The following MVB12B variants were observed in gnomAD, a reference collection of about 807,000 sequenced individuals.
MVB12B encodes the protein multivesicular body subunit 12B.
A neutral mutation model predicts 41.6 loss-of-function variants in MVB12B; 16 were observed. The observed-to-expected ratio is 0.38, with a 90% CI of 0.26 to 0.58. MVB12B has a LOEUF of 0.58. Among genes scored for constraint, MVB12B ranks in the 20% least tolerant of loss-of-function variants. The pLI is 0.62. For missense variants in MVB12B, 274 were observed against 380.2 expected, an observed-to-expected ratio of 0.72 and a Z score of 2.32; for synonymous variants, 133 against 139.7, an observed-to-expected ratio of 0.95 and a Z score of 0.34.
At chr9:126,364,744 T>TTTTG (rs201533582) in intron 2 of MVB12B, among the ~76,000 whole-genome samples, 46 of 152,278 alleles carry the variant, frequency 3.0e-4, no homozygotes, top group South Asian at 1.5e-3. Context: ...CTTCTTGTTC[T>TTTTG]TTTGTTTGTT....
At chr9:126,419,205 C>A (rs1268607225) in intron 6 of MVB12B, among the ~76,000 whole-genome samples, 1 of 152,154 alleles carries the variant, frequency 6.6e-6, no homozygotes, top group African/African-American at 2.4e-5. Flanking sequence ...TTGCGTGCAC[C>A]TTTTTAGGGC....
At position 126,504,983 on chromosome 9, in the gene MVB12B, A is replaced by G. The variant is rs1834037649; in HGVS notation, c.*1720A>G. ...CCTGTGGCACCCACAGGGGGCACCT[A>G]TGTCTGCCGTGGCTCCTCGGGTGGT... On this transcript the variant is annotated 3_prime_UTR_variant, in exon 10 of 10. Transcript: ENST00000361171. The G allele has an allele frequency of 6.6e-6, 1 of 152,144 alleles. No individual in the cohort carries two copies. The highest frequency in any genetic ancestry group is 2.4e-5 in the African/African-American group (1 of 41,410). 9.4% of individuals were successfully genotyped at this position (152,144 alleles called of 1,614,324 possible). A position where few individuals can be genotyped will look rare whatever the true frequency, so the allele number is the denominator to read the frequency against.
intron 2 of MVB12B, among the ~76,000 whole-genome samples, chr9:126,350,646 T>C (rs1829720252): frequency 6.6e-6 from 1 of 152,084 alleles, no homozygotes; most frequent in African/African-American, 2.4e-5. Context: ...TCAGATCTCT[T>C]CCTCTTTTTA....
intron 7 of MVB12B, among the ~76,000 whole-genome samples, chr9:126,450,613 C>T (rs902146716): frequency 6.6e-6 from 1 of 152,168 alleles, no homozygotes; most frequent in Non-Finnish European, 1.5e-5. Flanking sequence ...CATTTTCTCA[C>T]GTTTGGGAAA....
At position 126,333,142 on chromosome 9, in the gene MVB12B, A is replaced by G. The variant is rs765055533; in HGVS notation, c.81+6132A>G. 5.3e-5 allele frequency among the ~76,000 whole-genome samples: 8 copies of G among 152,172 alleles called. No individual in the cohort carries two copies. The highest frequency in any genetic ancestry group is 4.4e-5 in the Non-Finnish European group (3 of 68,026). ...CACTCTGTCACCCAGGCTAGAGTGC[A>G]GTGGTGCAATCTTGGCTCACTGCAA... On this transcript the variant is annotated intron_variant, in intron 1 of 9. Transcript: ENST00000361171. The surrounding 1 kb of genome is among the most constrained non-coding windows in gnomAD (Gnocchi z 4.7).
At chr9:126,450,161 A>G (rs911990956) in intron 7 of MVB12B, among the ~76,000 whole-genome samples, 1 of 152,206 alleles carries the variant, frequency 6.6e-6, no homozygotes, top group African/African-American at 2.4e-5. Flanking sequence ...AGGGCCCATC[A>G]GGTGATGAGT....
chr9:126,407,594 C>G (rs1831482210), intron 6 of MVB12B, among the ~76,000 whole-genome samples: 1 of 152,076 alleles, frequency 6.6e-6, no homozygotes, highest in South Asian at 2.1e-4. Flanking sequence ...AAGCAGTGCC[C>G]CCACACTGAC....
chr9:126,460,990 T>A (rs1833076874), intron 7 of MVB12B, among the ~76,000 whole-genome samples: 1 of 152,158 alleles, frequency 6.6e-6, no homozygotes, highest in Non-Finnish European at 1.5e-5. Flanking sequence ...CCACCACCCT[T>A]TTTGCGATTT....
intron 7 of MVB12B, among the ~76,000 whole-genome samples, chr9:126,444,375 A>C (rs1428090493): frequency 2.6e-5 from 4 of 151,692 alleles, no homozygotes; most frequent in African/African-American, 9.7e-5. Context: ...GCTAACTGGT[A>C]ATTTTTTTTT....
intron 2 of MVB12B, among the ~76,000 whole-genome samples, chr9:126,370,087 G>A (rs76265520): frequency 0.033 from 5,008 of 152,236 alleles, 117 homozygotes; most frequent in Non-Finnish European, 0.052. Flanking sequence ...TCTTCTGTTG[G>A]TGAGGATTTG....
intron 8 of MVB12B, among the ~76,000 whole-genome samples, chr9:126,482,540 G>T (rs1227897538): frequency 1.3e-5 from 2 of 152,240 alleles, no homozygotes; most frequent in Non-Finnish European, 2.9e-5. Context: ...CGCCTCTGCC[G>T]CCGTTCCCTG....
In MVB12B at chr9:126,389,895, C is replaced by T. The variant is rs1020402111; in HGVS notation, c.410-2171C>T. 5.9e-5 allele frequency among the ~76,000 whole-genome samples: 9 copies of T among 152,054 alleles called. No homozygotes were observed. The highest frequency in any genetic ancestry group is 3.3e-4 in the Admixed American group (5 of 15,274). On this transcript the variant is annotated intron_variant, in intron 4 of 9. Coordinates refer to ENST00000361171, the MANE Select transcript of MVB12B (RefSeq NM_033446.3). This position sits in a 1 kb window ranked among gnomAD's most constrained non-coding sequence, Gnocchi z 4.4. ...ATTCAGAACGTTGTTTCTCTCTGCTCGTAGATCTGCTCTAGCCCTCAGTTT... is the reference window on the plus strand; with the variant it reads ...ATTCAGAACGTTGTTTCTCTCTGCTTGTAGATCTGCTCTAGCCCTCAGTTT...
chr9:126,452,955 T>C (rs1012654635), intron 7 of MVB12B, among the ~76,000 whole-genome samples: 4 of 152,096 alleles, frequency 2.6e-5, no homozygotes, highest in African/African-American at 9.7e-5. Context: ...GAATAGTGGC[T>C]GTAGGACAAT....
chr9:126,351,901 T>A (rs576500859), intron 2 of MVB12B, among the ~76,000 whole-genome samples: 67 of 152,322 alleles, frequency 4.4e-4, no homozygotes, highest in African/African-American at 1.6e-3. Context: ...TTATCATGAA[T>A]AGGTATGGAA....
intron 9 of MVB12B, among the ~76,000 whole-genome samples, chr9:126,501,707 C>T (rs1030946791): frequency 2.0e-5 from 3 of 152,262 alleles, no homozygotes; most frequent in Non-Finnish European, 4.4e-5. Flanking sequence ...AAAGGCCTCC[C>T]ATGCTCCTTC....
rs932514387 is a variant in MVB12B, at chr9:126,470,304, G to C, written c.758-11065G>C. On this transcript the variant is annotated intron_variant, in intron 7 of 9. Coordinates refer to ENST00000361171, the MANE Select transcript of MVB12B (RefSeq NM_033446.3). The stretch of plus-strand genomic sequence containing the variant: ...GCTCTCCGTGGTGTCTGCTATCTCT[G>C]GTGTTGCAAGTCAAGCTCGACTTGG... Among the ~76,000 whole-genome samples, 3 of 152,118 alleles carry C rather than the reference G, an allele frequency of 2.0e-5. No homozygotes were observed. The East Asian group carries it at 5.8e-4, about 29-fold the overall frequency.
rs576479495 is a variant in MVB12B at position 126,395,823 on chromosome 9, T to C, written c.662+126T>C. The C allele has an allele frequency of 8.7e-6, 13 of 1,498,858 alleles. No homozygotes were observed. Among genetic ancestry groups the C allele is most frequent in the Admixed American group, 2.4e-5 (1 of 41,334 alleles). The allele number at this position is 1,498,858 out of a possible 1,614,324, so 92.8% of individuals were successfully genotyped here. On this transcript the variant is annotated intron_variant, in intron 6 of 9. Transcript: ENST00000361171. This position sits in a 1 kb window ranked among gnomAD's most constrained non-coding sequence, Gnocchi z 4.9. The stretch of plus-strand genomic sequence containing the variant: ...TACAGCTGAATAATTGTAGAAGCAA[T>C]ATATCTTTAGAGGAGATTTTTAAAA...
chr9:126,474,434 T>A (rs984460641), intron 7 of MVB12B, among the ~76,000 whole-genome samples: 10 of 152,170 alleles, frequency 6.6e-5, no homozygotes, highest in African/African-American at 2.2e-4. Flanking sequence ...GCCGTTGATT[T>A]TAAGAATTAT....
chr9:126,380,690 C>T (rs928125248), intron 2 of MVB12B, among the ~76,000 whole-genome samples: 1 of 152,206 alleles, frequency 6.6e-6, no homozygotes, highest in African/African-American at 2.4e-5. Flanking sequence ...TCAGGTGGCT[C>T]ATCACACCCA....
Sources: allele counts gnomAD v4.1 joint callset (sites outside exome capture counted in the v4.1 genomes callset), GRCh38; gene constraint gnomAD v4.1.1; non-coding constraint Gnocchi (gnomAD v3.1); transcripts MANE v1.5; gene names NCBI Gene and HGNC (gene_info 2026-07-23, HGNC 2026-07-21).